The following RABGAP1L variants were observed in gnomAD, a reference collection of about 807,000 sequenced individuals.
RABGAP1L encodes rab GTPase-activating protein 1-like.
Under a neutral mutation model 137.7 loss-of-function variants are expected in RABGAP1L, and 63 were observed. That is an observed-to-expected ratio of 0.46 (90% CI 0.37 to 0.56). The LOEUF (loss-of-function observed/expected upper bound fraction) is 0.56, where lower values mean the gene tolerates loss of function less well. Ranked by LOEUF, RABGAP1L falls within the 20% of genes least tolerant of loss-of-function variation. The pLI is 0.00. For missense variants in RABGAP1L, 1,095 were observed against 1,244.0 expected, an observed-to-expected ratio of 0.88 and a Z score of 1.80; for synonymous variants, 431 against 433.7, an observed-to-expected ratio of 0.99 and a Z score of 0.08.
At chr1:174,851,370 T>C (rs1416125351) in intron 19 of RABGAP1L, among the ~76,000 whole-genome samples, 1 of 152,200 alleles carries the variant, frequency 6.6e-6, no homozygotes, top group Admixed American at 6.5e-5. Context: ...ATCGTTTCCA[T>C]TGGTGCCATA....
chr1:174,909,258 C>G (rs1659660710), intron 19 of RABGAP1L, among the ~76,000 whole-genome samples: 1 of 151,546 alleles, frequency 6.6e-6, no homozygotes, highest in Admixed American at 6.6e-5. Context: ...AGGTCTTACT[C>G]TGTCACCCAG....
intron 13 of RABGAP1L, among the ~76,000 whole-genome samples, chr1:174,406,489 A>G (rs1371694938): frequency 1.3e-5 from 2 of 152,190 alleles, no homozygotes; most frequent in Non-Finnish European, 2.9e-5. Flanking sequence ...AGATCATTTC[A>G]TGGCTTACAT....
chr1:174,980,405 T>C (rs375624481), intron 23 of RABGAP1L, among the ~76,000 whole-genome samples: 1 of 152,238 alleles, frequency 6.6e-6, no homozygotes, highest in Non-Finnish European at 1.5e-5. Context: ...TATCATATAA[T>C]GTGGAGGTAA....
intron 23 of RABGAP1L, among the ~76,000 whole-genome samples, chr1:174,982,261 C>T (rs563969563): frequency 6.6e-6 from 1 of 152,106 alleles, no homozygotes. Context: ...TTAGGTATTT[C>T]TCCTAATGTT....
chr1:174,161,585 G>A (rs1664464277), intron 1 of RABGAP1L, among the ~76,000 whole-genome samples: 1 of 152,150 alleles, frequency 6.6e-6, no homozygotes, highest in Admixed American at 6.5e-5. Context: ...AGATGAAATA[G>A]GGTAGAGCTT....
chr1:174,516,401 A>G (rs1345414214), intron 13 of RABGAP1L, among the ~76,000 whole-genome samples: 1 of 152,122 alleles, frequency 6.6e-6, no homozygotes, highest in Non-Finnish European at 1.5e-5. Flanking sequence ...AATTTTTTGT[A>G]GAGATGGGGG....
At chr1:174,889,934 C>T (rs1655840040) in intron 19 of RABGAP1L, among the ~76,000 whole-genome samples, 1 of 151,996 alleles carries the variant, frequency 6.6e-6, no homozygotes, top group South Asian at 2.1e-4. Flanking sequence ...GAGAGGGAGC[C>T]TCACTATGTT....
intron 11 of RABGAP1L, among the ~76,000 whole-genome samples, chr1:174,343,808 TG>T (rs1194262818): frequency 6.6e-6 from 1 of 152,156 alleles, no homozygotes; most frequent in Non-Finnish European, 1.5e-5. Flanking sequence ...CAGTCTATAT[TG>T]TTTTGGGCTC....
At chr1:174,311,926 T>C (rs541620656) in intron 11 of RABGAP1L, among the ~76,000 whole-genome samples, 1 of 152,214 alleles carries the variant, frequency 6.6e-6, no homozygotes, top group Non-Finnish European at 1.5e-5. Context: ...CTGGATCTTA[T>C]TCTTTTTTAT....
chr1:174,622,088 G>A (rs373930414), intron 13 of RABGAP1L, among the ~76,000 whole-genome samples: 4 of 152,008 alleles, frequency 2.6e-5, no homozygotes, highest in South Asian at 2.1e-4. Flanking sequence ...ATGCAGCCAA[G>A]AGACACATGA....
chr1:174,209,797 C>T (rs1339356205), intron 1 of RABGAP1L, among the ~76,000 whole-genome samples: 1 of 152,204 alleles, frequency 6.6e-6, no homozygotes, highest in Non-Finnish European at 1.5e-5. Context: ...TGGTGAGACA[C>T]AGTGCTGTCC....
At chr1:174,840,935 G>GTAA (rs1693328710) in intron 19 of RABGAP1L, among the ~76,000 whole-genome samples, 1 of 151,856 alleles carries the variant, frequency 6.6e-6, no homozygotes, top group Non-Finnish European at 1.5e-5. Flanking sequence ...TATCTTTACT[G>GTAA]TCAGACAAGA....
intron 19 of RABGAP1L, 146 bp from the exon 20 acceptor site, chr1:174,957,311 C>T: frequency 1.6e-6 from 1 of 633,624 alleles, no homozygotes; most frequent in Non-Finnish European, 2.8e-6. Flanking sequence ...AGTTTGCCAA[C>T]CTCTACTCTG....
At chr1:174,320,769 T>C (rs1404872930) in intron 11 of RABGAP1L, among the ~76,000 whole-genome samples, 3 of 152,188 alleles carry the variant, frequency 2.0e-5, no homozygotes, top group Non-Finnish European at 4.4e-5. Flanking sequence ...ATCATCTTCG[T>C]AAGCTGAGGG....
At chr1:174,877,528 G>GA in intron 19 of RABGAP1L, 1 of 1,614,090 alleles carries the variant, frequency 6.2e-7, no homozygotes, top group East Asian at 2.2e-5. Context: ...GGTAGCCTAT[G>GA]ACGCCCATGT....
intron 13 of RABGAP1L, among the ~76,000 whole-genome samples, chr1:174,615,069 C>A (rs1360353004): frequency 6.6e-6 from 1 of 152,316 alleles, no homozygotes; most frequent in African/African-American, 2.4e-5. Flanking sequence ...AAGCCTTCTT[C>A]TCTCAACTCG....
intron 19 of RABGAP1L, chr1:174,934,843 A>G (rs1203586820): frequency 1.3e-5 from 2 of 152,224 alleles, no homozygotes; most frequent in African/African-American, 4.8e-5. Context: ...ATGCTTCACA[A>G]ATTTTACTTA....
intron 19 of RABGAP1L, among the ~76,000 whole-genome samples, chr1:174,911,122 T>C (rs1377331468): frequency 6.6e-6 from 1 of 152,222 alleles, no homozygotes; most frequent in Non-Finnish European, 1.5e-5. Flanking sequence ...TTCAGATTTT[T>C]TACCTATTTT....
At chr1:174,181,498 C>T (rs1666362635) in intron 1 of RABGAP1L, among the ~76,000 whole-genome samples, 1 of 151,970 alleles carries the variant, frequency 6.6e-6, no homozygotes, top group African/African-American at 2.4e-5. Flanking sequence ...CCACCACGCC[C>T]AGCTCATTTT....
Sources: gnomAD v4.1 joint callset for allele counts (sites outside exome capture counted in the v4.1 genomes callset) on GRCh38, gnomAD v4.1.1 for gene constraint, MANE v1.5 for transcripts, NCBI Gene and HGNC (gene_info 2026-07-23, HGNC 2026-07-21) for gene names.